The following DNAH17 variants were observed in gnomAD, a reference collection of about 807,000 sequenced individuals.
DNAH17 encodes the protein axonemal beta dynein heavy chain 17.
DNAH17 carries 376 observed loss-of-function variants against 485.6 expected under a neutral mutation model. The ratio of observed to expected loss-of-function variants is 0.77; its 90% CI spans 0.71 to 0.84. The LOEUF (loss-of-function observed/expected upper bound fraction) is 0.84, where lower values mean the gene tolerates loss of function less well. Ranked by LOEUF, DNAH17 falls within the 40% of genes least tolerant of loss-of-function variation. The pLI is 0.00. For synonymous variants in DNAH17, 3,031 were observed against 2,405.9 expected (o/e 1.26, Z -7.60); for missense variants, 6,370 against 5,839.3 (o/e 1.09, Z -2.96).
chr17:78,574,958 C>T lies in DNAH17; in HGVS notation c.100G>A (p.Glu34Lys), dbSNP rs767044912. Residue 34 changes from glutamate to lysine, a missense_variant, in exon 2 of 81, where the codon GAG becomes AAG. Glu to Lys is a moderately conservative substitution (Grantham distance 56, BLOSUM62 1). Transcript: ENST00000389840. ...TCTGTGAACAGGGCCACGTTCTCCTCGGCGCCTATCAGCTTGCTCCACTTG... is the reference window on the plus strand; with the variant it reads ...TCTGTGAACAGGGCCACGTTCTCCTTGGCGCCTATCAGCTTGCTCCACTTG... ...PDKWSKLIGA[E>K]ENVALFTEFF... is the part of the protein sequence containing the mutation. 1.7e-5 allele frequency: 27 copies of T among 1,613,868 alleles called. No individual in the cohort carries two copies. Among genetic ancestry groups the T allele is most frequent in the South Asian group, 1.3e-4 (12 of 91,080 alleles).
chr17:78,453,727 G>T (rs1598474718), intron 64 of DNAH17, among the ~76,000 whole-genome samples: 1 of 152,180 alleles, frequency 6.6e-6, no homozygotes, highest in East Asian at 1.9e-4. Flanking sequence ...TCATTCTCTG[G>T]CCCAGGCTGG....
intron 26 of DNAH17, chr17:78,510,745 A>T: frequency 2.8e-6 from 1 of 360,970 alleles, no homozygotes; most frequent in Non-Finnish European, 4.8e-6. Context: ...ACTGGGCGGA[A>T]TTGCGGCCCC....
chr17:78,494,945 C>T lies in DNAH17; in HGVS notation c.6042+14G>A, dbSNP rs1403181629. 6.2e-7 allele frequency: 1 copy of T among 1,606,752 alleles called. No individual in the cohort carries two copies. The highest frequency in any genetic ancestry group is 1.3e-5 in the African/African-American group (1 of 74,816). On this transcript the variant is annotated intron_variant, in intron 39 of 80. Transcript: ENST00000389840. Reference sequence around the variant, plus strand: ...TCCCACCCACACCCGCCGTGAGCTCCAGGACACACACACCTGCTTCGAGAG... The same window carrying T: ...TCCCACCCACACCCGCCGTGAGCTCTAGGACACACACACCTGCTTCGAGAG...
rs374422307 is a variant in DNAH17, at chr17:78,461,073, C to T, written c.9339+471G>A. 3.4e-4 allele frequency among the ~76,000 whole-genome samples: 51 copies of T among 151,946 alleles called. 1 individual carries two copies. The highest frequency in any genetic ancestry group is 1.1e-3 in the African/African-American group (47 of 41,306). On this transcript the variant is annotated intron_variant, in intron 58 of 80. Coordinates refer to ENST00000389840, the MANE Select transcript of DNAH17 (RefSeq NM_173628.4). ...CCGTGGTTCTCAACCTCAGCCACCC[C>T]CAACCAGCAAGGAGCCCACCCCCAG...
At chr17:78,537,150 C>A in intron 19 of DNAH17, 149 bp downstream of exon 19, 1 of 948,058 alleles carries the variant, frequency 1.1e-6, no homozygotes, top group Non-Finnish European at 1.5e-6. Context: ...TGCACTCCAG[C>A]CTGGGCGACA....
At chr17:78,438,765 C>T (rs1025150100) in intron 73 of DNAH17, among the ~76,000 whole-genome samples, 2 of 152,070 alleles carry the variant, frequency 1.3e-5, no homozygotes, top group Non-Finnish European at 2.9e-5. Context: ...TCCCAAAGTG[C>T]TGGGCCTACA....
At chr17:78,570,877 AAG>A (rs1555697970) in intron 6 of DNAH17, 69 bp downstream of exon 6, 878 of 784,352 alleles carry the variant, frequency 1.1e-3, no homozygotes, top group Admixed American at 2.0e-3. Context: ...AAAAAAAAAA[AAG>A]AAAAAAGAAA....
rs778052780 is a variant in DNAH17 at position 78,486,253 on chromosome 17, C to A, written c.7072G>T (p.Ala2358Ser). Reference sequence around the variant, plus strand: ...TCCTGGAACATGGCGCCACCGAAGGCCCAGAAGCAGGTGAACACGAAGTAC... The same window carrying A: ...TCCTGGAACATGGCGCCACCGAAGGACCAGAAGCAGGTGAACACGAAGTAC... ...ELYFVFTCFWAFGGAMFQDQL... is the reference protein window; with the variant it reads ...ELYFVFTCFWSFGGAMFQDQL... The change falls in exon 45 of 81, where the codon GCC becomes TCC. Residue 2358 changes from alanine to serine, a missense_variant. Coordinates refer to ENST00000389840, the MANE Select transcript of DNAH17 (RefSeq NM_173628.4). 8.8e-6 allele frequency: 14 copies of A among 1,597,326 alleles called. No individual in the cohort carries two copies. The highest frequency in any genetic ancestry group is 1.2e-5 in the Non-Finnish European group (14 of 1,168,962).
At chr17:78,562,648 C>T (rs76331911) in intron 11 of DNAH17, among the ~76,000 whole-genome samples, 29,946 of 152,118 alleles carry the variant, frequency 0.2, 3,563 homozygotes, top group Admixed American at 0.34. Context: ...AAAACAACTC[C>T]AAGTAAACAA....
chr17:78,576,879 G>T lies in DNAH17; in HGVS notation c.-26+416C>A, dbSNP rs931562256. ...AGGTCTCATCTCAGGCTCCCACCCA[G>T]CCGTTTCCTGGGCTGAAGGCCAGGA... On this transcript the variant is annotated intron_variant, in intron 1 of 80. Coordinates refer to ENST00000389840, the MANE Select transcript of DNAH17 (RefSeq NM_173628.4). Among the ~76,000 whole-genome samples the T allele has an allele frequency of 2.6e-5, 4 of 152,338 alleles. No individual in the cohort carries two copies. In the South Asian group the frequency reaches 6.2e-4, roughly 24 times the overall value.
At chr17:78,478,906 T>C (rs1024764402) in intron 51 of DNAH17, 119 bp downstream of exon 51, 8 of 768,760 alleles carry the variant, frequency 1.0e-5, no homozygotes, top group Non-Finnish European at 2.1e-6. Flanking sequence ...ATCATTATCA[T>C]TACCACCATC....
Position 78,429,280 on chromosome 17 carries a change from G to A in DNAH17, c.12246C>T (p.Arg4082=). The change falls in exon 76 of 81, where the codon CGC becomes CGT. Residue 4082 remains arginine, a synonymous_variant. Transcript: ENST00000389840. ...CATACATGATTTCACCAAAAAGGTA[G>A]CGGAGATCGTCCCAGGGCACCTGAG... ...ANPKVPWDDL[R]YLFGEIMYGG... 1 of 1,613,874 alleles carries A rather than the reference G, an allele frequency of 6.2e-7. No individual in the cohort carries two copies. The highest frequency in any genetic ancestry group is 8.5e-7 in the Non-Finnish European group (1 of 1,179,856).
chr17:78,447,249 G>C lies in DNAH17; in HGVS notation c.11212-1569C>G, dbSNP rs186583336. ...GCCTCATCTGGCTTTTGGCTGCTGC[G>C]ATTAATGCTGTTGTGAATGCTGATG... is the stretch of plus-strand genomic sequence containing the variant. On this transcript the variant is annotated intron_variant, in intron 69 of 80. Transcript: ENST00000389840. Among the ~76,000 whole-genome samples, 820 of 152,300 alleles carry C rather than the reference G, an allele frequency of 5.4e-3. 5 individuals are homozygous for C. The highest frequency in any genetic ancestry group is 0.018 in the African/African-American group (768 of 41,572).
intron 61 of DNAH17, 32 bp downstream of exon 61, chr17:78,458,969 T>C: frequency 1.9e-6 from 3 of 1,611,312 alleles, no homozygotes; most frequent in Non-Finnish European, 2.5e-6. Context: ...GGCTCTGGTG[T>C]TTCGCAGGGA....
intron 25 of DNAH17, among the ~76,000 whole-genome samples, chr17:78,517,890 A>T (rs1215966969): frequency 6.6e-6 from 1 of 152,240 alleles, no homozygotes; most frequent in Non-Finnish European, 1.5e-5. Flanking sequence ...CAGTTATGTT[A>T]TAGTTAAGAG....
intron 54 of DNAH17, 63 bp from the exon 55 acceptor site, chr17:78,468,946 C>T (rs2088617277): frequency 2.6e-6 from 4 of 1,545,976 alleles, no homozygotes; most frequent in Non-Finnish European, 3.5e-6. Flanking sequence ...GAGACATCCT[C>T]CACAACCAAC....
chr17:78,426,357 C>A, intron 79 of DNAH17, 100 bp downstream of exon 79: 2 of 1,382,500 alleles, frequency 1.4e-6, no homozygotes, highest in East Asian at 5.3e-5. Context: ...CCAGGAGCCT[C>A]CTGGCCATGC....
chr17:78,494,482 A>T, intron 40 of DNAH17, 111 bp downstream of exon 40: 1 of 1,250,700 alleles, frequency 8.0e-7, no homozygotes, highest in Non-Finnish European at 1.1e-6. Flanking sequence ...TCTTTGTAGC[A>T]TCGGGAAACG....
intron 68 of DNAH17, 23 bp downstream of exon 68, chr17:78,450,231 C>G: frequency 6.2e-7 from 1 of 1,612,640 alleles, no homozygotes; most frequent in Non-Finnish European, 8.5e-7. Context: ...AGGGAGGCAC[C>G]CAGCCCCAGC....
Sources: allele counts gnomAD v4.1 joint callset (sites outside exome capture counted in the v4.1 genomes callset), GRCh38; gene constraint gnomAD v4.1.1; transcripts MANE v1.5; gene names NCBI Gene and HGNC (gene_info 2026-07-23, HGNC 2026-07-21).